Variants in TCF4 observed in about 807,000 individuals in gnomAD.
The protein encoded by TCF4 is transcription factor 4.
Under a neutral mutation model 82.1 loss-of-function variants are expected in TCF4, and 3 were observed. The ratio of observed to expected loss-of-function variants is 0.04; its 90% CI spans 0.02 to 0.09. The LOEUF (loss-of-function observed/expected upper bound fraction) is 0.09. TCF4 is among the 10% of genes least tolerant of loss of function. The pLI, the probability that TCF4 is intolerant of heterozygous loss-of-function variation, is 1.00. For missense variants in TCF4, 518 were observed against 852.7 expected, an observed-to-expected ratio of 0.61 and a Z score of 4.89; for synonymous variants, 276 against 309.6, an observed-to-expected ratio of 0.89 and a Z score of 1.14.
intron 5 of TCF4, among the ~76,000 whole-genome samples, chr18:55,409,446 A>T (rs2094246081): frequency 6.6e-6 from 1 of 152,062 alleles, no homozygotes; most frequent in Admixed American, 6.6e-5. Flanking sequence ...ATGCTCAAGG[A>T]TTCTTCTGCA....
chr18:55,281,967 T>C (rs2062702151), intron 8 of TCF4, among the ~76,000 whole-genome samples: 2 of 152,022 alleles, frequency 1.3e-5, no homozygotes, highest in Admixed American at 6.5e-5. Context: ...TTTTAGCCAA[T>C]TGAAGACTTT....
At chr18:55,563,992 A>T (rs984779247) in intron 3 of TCF4, among the ~76,000 whole-genome samples, 1 of 152,214 alleles carries the variant, frequency 6.6e-6, no homozygotes, top group African/African-American at 2.4e-5. Context: ...TATTCAAAAT[A>T]TGTATGTTTA....
intron 15 of TCF4, among the ~76,000 whole-genome samples, chr18:55,247,926 G>GA (rs1034482848): frequency 2.6e-5 from 4 of 152,204 alleles, no homozygotes; most frequent in Admixed American, 6.5e-5. Context: ...AATATTTGAT[G>GA]AAAATGGACT....
At chr18:55,484,106 T>C (rs72930757) in intron 3 of TCF4, among the ~76,000 whole-genome samples, 6,632 of 152,294 alleles carry the variant, frequency 0.044, 156 homozygotes, top group Non-Finnish European at 0.052. Flanking sequence ...GCCTCTTACC[T>C]ATTTTCTTAT....
At chr18:55,297,170 T>TTTTTTTTTTTTTTTA (rs1555836667) in intron 8 of TCF4, among the ~76,000 whole-genome samples, 2 of 97,982 alleles carry the variant, frequency 2.0e-5, no homozygotes, top group Non-Finnish European at 4.0e-5. Flanking sequence ...TTTTTTTTTT[T>TTTTTTTTTTTTTTTA]ATCCCTTAGG....
intron 3 of TCF4, among the ~76,000 whole-genome samples, chr18:55,478,166 T>G (rs1388205828): frequency 6.6e-6 from 1 of 152,216 alleles, no homozygotes; most frequent in Non-Finnish European, 1.5e-5. Context: ...CTGATGAGAT[T>G]AGCAGACAGT....
At chr18:55,468,380 G>A (rs1169207082) in intron 3 of TCF4, among the ~76,000 whole-genome samples, 1 of 152,162 alleles carries the variant, frequency 6.6e-6, no homozygotes, top group East Asian at 1.9e-4. Flanking sequence ...AAAGTGTCCA[G>A]GAGAAGCATA....
At chr18:55,471,774 A>T (rs549012099) in intron 3 of TCF4, among the ~76,000 whole-genome samples, 3 of 152,016 alleles carry the variant, frequency 2.0e-5, no homozygotes, top group Non-Finnish European at 4.4e-5. Flanking sequence ...TCAAAAAAAA[A>T]AAAAAAAGAT....
At chr18:55,515,440 A>G (rs2096872069) in intron 3 of TCF4, among the ~76,000 whole-genome samples, 1 of 152,216 alleles carries the variant, frequency 6.6e-6, no homozygotes, top group African/African-American at 2.4e-5. Context: ...AGGAAGACTA[A>G]GCATCTCAGC....
intron 15 of TCF4, among the ~76,000 whole-genome samples, chr18:55,250,497 G>C (rs1166602961): frequency 6.6e-6 from 1 of 152,192 alleles, no homozygotes; most frequent in Non-Finnish European, 1.5e-5. Flanking sequence ...TAGTAAAAAA[G>C]AGCATTGAAT....
Position 55,635,784 on chromosome 18 carries a change from T to C in TCF4, c.114A>G (p.Ser38=), listed in dbSNP as rs2097735786. 20 of 1,551,210 alleles carry C rather than the reference T, an allele frequency of 1.3e-5. No homozygotes were observed. Among genetic ancestry groups the C allele is most frequent in the Non-Finnish European group, 1.7e-5 (20 of 1,147,252 alleles). ...CAATGTCCTGAGAAGTTTTAAAAAATGATGGCTGGCTTTCAACTGCACCCT... is the reference window on the plus strand; with the variant it reads ...CAATGTCCTGAGAAGTTTTAAAAAACGATGGCTGGCTTTCAACTGCACCCT... The change falls in exon 1 of 21, where the codon TCA becomes TCG. Residue 38 remains serine (S), a synonymous_variant. Transcript: ENST00000398339.
intron 8 of TCF4, among the ~76,000 whole-genome samples, chr18:55,338,208 C>T (rs369808654): frequency 1.3e-5 from 2 of 152,164 alleles, no homozygotes; most frequent in Non-Finnish European, 2.9e-5. Flanking sequence ...CCCCACCGTG[C>T]GACGACAAGC....
At chr18:55,403,380 C>T in intron 6 of TCF4, 74 bp downstream of exon 6, 1 of 1,545,134 alleles carries the variant, frequency 6.5e-7, no homozygotes. Flanking sequence ...TAAAATGCAT[C>T]ATCTAATTTA....
intron 5 of TCF4, among the ~76,000 whole-genome samples, chr18:55,437,265 T>C (rs1299879489): frequency 6.6e-6 from 1 of 152,218 alleles, no homozygotes; most frequent in Non-Finnish European, 1.5e-5. Context: ...CACATACGTA[T>C]GATGTTGAAT....
chr18:55,275,526 T>G, intron 10 of TCF4, 93 bp downstream of exon 10: 5 of 1,563,344 alleles, frequency 3.2e-6, no homozygotes, highest in Non-Finnish European at 3.5e-6. Flanking sequence ...TTGCACTTAT[T>G]TGCAGAGTCC....
chr18:55,365,176 T>TATATATATATAC, intron 6 of TCF4, among the ~76,000 whole-genome samples: 1 of 129,410 alleles, frequency 7.7e-6, no homozygotes, highest in Non-Finnish European at 1.6e-5. Flanking sequence ...TATATATATA[T>TATATATATATAC]ATATATATAT....
At chr18:55,491,352 C>A (rs757817176) in intron 3 of TCF4, among the ~76,000 whole-genome samples, 1 of 152,134 alleles carries the variant, frequency 6.6e-6, no homozygotes, top group African/African-American at 2.4e-5. Flanking sequence ...GCAAAGGATA[C>A]ACACACAGCA....
Position 55,461,258 on chromosome 18 carries a change from T to C in TCF4, c.208-143A>G, listed in dbSNP as rs113204219. ...CCCTGGAACTTCACTAGAAGGAATCTGCACTTTCACAGGTATAGTGGCTAA... is the reference window on the plus strand; with the variant it reads ...CCCTGGAACTTCACTAGAAGGAATCCGCACTTTCACAGGTATAGTGGCTAA... On this transcript the variant is annotated intron_variant, in intron 4 of 19. Transcript: ENST00000354452. 758 of 689,980 alleles carry C rather than the reference T, an allele frequency of 1.1e-3. 5 individuals are homozygous for C. The African/African-American group carries it at 0.011, about 10-fold the overall frequency. 42.7% of individuals were successfully genotyped at this position (689,980 alleles called of 1,614,324 possible). A position where few individuals can be genotyped will look rare whatever the true frequency, so the allele number is the denominator to read the frequency against.
At chr18:55,455,179 CAAAAAAAAAAAAAAAAAAAA>C (rs35889370) in intron 5 of TCF4, among the ~76,000 whole-genome samples, 1 of 67,472 alleles carries the variant, frequency 1.5e-5, no homozygotes, top group Non-Finnish European at 2.9e-5. Flanking sequence ...GACTCTGTCT[CAAAAAAAAAAAAAAAAAAAA>C]AAAAGAAAAG....
Sources: allele counts gnomAD v4.1 joint callset (sites outside exome capture counted in the v4.1 genomes callset), GRCh38; gene constraint gnomAD v4.1.1; transcripts MANE v1.5; gene names NCBI Gene and HGNC (gene_info 2026-07-23, HGNC 2026-07-21).